GARNL3: variants seen among roughly 807,000 people sequenced by gnomAD.
GARNL3 encodes GTPase-activating Rap/Ran-GAP domain-like protein 3.
A neutral mutation model predicts 125.0 loss-of-function variants in GARNL3; 63 were observed. That is an observed-to-expected ratio of 0.50 (90% CI 0.41 to 0.62). The LOEUF is 0.62. GARNL3 is among the 20% of genes least tolerant of loss of function. GARNL3 has a pLI of 0.00. For missense variants in GARNL3, 994 were observed against 1,244.0 expected, an observed-to-expected ratio of 0.80 and a Z score of 3.02; for synonymous variants, 439 against 457.5, an observed-to-expected ratio of 0.96 and a Z score of 0.52.
intron 22 of GARNL3, among the ~76,000 whole-genome samples, chr9:127,372,228 G>A (rs1186814979): frequency 1.3e-5 from 2 of 152,166 alleles, no homozygotes; most frequent in Non-Finnish European, 2.9e-5. Flanking sequence ...AGAGGAGGAA[G>A]ACACTATCCT....
At position 127,384,265 on chromosome 9, in the gene GARNL3, G is replaced by A. The variant is rs1832424810; in HGVS notation, c.2269+720G>A. Among the ~76,000 whole-genome samples the A allele has an allele frequency of 6.6e-6, 1 of 152,148 alleles. No individual in the cohort carries two copies. The highest frequency in any genetic ancestry group is 6.6e-5 in the Admixed American group (1 of 15,266). Reference sequence around the variant, plus strand: ...TTGCTGGAGGGGCTTGAAAGTCATGGCTGGAGGCATAGATGTGGTAGGCAC... The same window carrying A: ...TTGCTGGAGGGGCTTGAAAGTCATGACTGGAGGCATAGATGTGGTAGGCAC... On this transcript the variant is annotated intron_variant, in intron 23 of 27. Coordinates refer to ENST00000373387, the MANE Select transcript of GARNL3 (RefSeq NM_032293.5). This position sits in a 1 kb window ranked among gnomAD's most constrained non-coding sequence, Gnocchi z 4.0.
intron 5 of GARNL3, 113 bp downstream of exon 5, chr9:127,318,240 G>A (rs1588844061): frequency 1.3e-6 from 1 of 770,874 alleles, no homozygotes; most frequent in Non-Finnish European, 2.3e-6. Flanking sequence ...TTGACTGTGT[G>A]TAAGATGTTT....
chr9:127,310,739 A>G (rs1588827778), intron 2 of GARNL3, among the ~76,000 whole-genome samples: 1 of 149,186 alleles, frequency 6.7e-6, no homozygotes, highest in Non-Finnish European at 1.5e-5. Context: ...GCACCACTGC[A>G]CTCCAGCCTG....
chr9:127,348,737 T>C (rs1021964086), intron 16 of GARNL3, among the ~76,000 whole-genome samples, 187 bp from the exon 17 acceptor site: 22 of 152,294 alleles, frequency 1.4e-4, no homozygotes, highest in African/African-American at 5.1e-4. Flanking sequence ...ATTGCATACG[T>C]ATTTGAAAGG....
intron 7 of GARNL3, among the ~76,000 whole-genome samples, chr9:127,331,315 C>A (rs1829222004): frequency 6.6e-6 from 1 of 151,856 alleles, no homozygotes. Context: ...ATGGTGAAAC[C>A]CCATCTCTAC....
chr9:127,360,859 GA>G (rs1175418560), intron 21 of GARNL3, among the ~76,000 whole-genome samples: 1 of 152,220 alleles, frequency 6.6e-6, no homozygotes, highest in Non-Finnish European at 1.5e-5. Context: ...CTCAAGAGAG[GA>G]AATGTTTAAG....
Position 127,313,547 on chromosome 9 carries a change from T to G in GARNL3, c.426T>G (p.Leu142=). 6.2e-7 allele frequency: 1 copy of G among 1,612,500 alleles called. No homozygotes were observed. The highest frequency in any genetic ancestry group is 8.5e-7 in the Non-Finnish European group (1 of 1,178,482). The change falls in exon 4 of 28, where the codon CTT becomes CTG. Residue 142 remains leucine, a synonymous_variant. Transcript: ENST00000373387. ...NQRVPQYRAI[L]WRKTGTQKIC... is the part of the protein sequence containing the mutation. ...GTGTCCCTCAATACCGTGCAATTCT[T>G]TGGAGAAAAACAGTAAGTATATGGC...
chr9:127,342,113 C>A, intron 13 of GARNL3, 106 bp from the exon 14 acceptor site: 1 of 778,302 alleles, frequency 1.3e-6, no homozygotes, highest in Non-Finnish European at 2.2e-6. Context: ...CAAAAAAATT[C>A]CTAGATTCAC....
At chr9:127,370,357 TG>T (rs1428681737) in intron 22 of GARNL3, among the ~76,000 whole-genome samples, 7 of 152,160 alleles carry the variant, frequency 4.6e-5, no homozygotes, top group African/African-American at 1.7e-4. Context: ...ACTGTTAAAC[TG>T]TACAGGATTC....
chr9:127,253,338 A>G (rs2063438977), intron 2 of GARNL3, among the ~76,000 whole-genome samples: 1 of 152,210 alleles, frequency 6.6e-6, no homozygotes, highest in African/African-American at 2.4e-5. Flanking sequence ...GGGCTTTCCT[A>G]TACAAGTGAT....
chr9:127,259,629 T>C (rs2063549513), upstream of GARNL3, among the ~76,000 whole-genome samples: 2 of 152,316 alleles, frequency 1.3e-5, no homozygotes, highest in Admixed American at 6.5e-5. Flanking sequence ...TCTCCCTTAC[T>C]GCTACCTGGG....
chr9:127,287,677 C>A (rs1451583979), intron 1 of GARNL3, among the ~76,000 whole-genome samples: 1 of 152,218 alleles, frequency 6.6e-6, no homozygotes, highest in Non-Finnish European at 1.5e-5. Flanking sequence ...ATCTCCTGCC[C>A]ACCTACTGCC....
rs1263675241 is a variant in GARNL3 at position 127,280,212 on chromosome 9, G to A, written c.145-10956G>A. Among the ~76,000 whole-genome samples, 2 of 152,146 alleles carry A rather than the reference G, an allele frequency of 1.3e-5. No individual in the cohort carries two copies. On this transcript the variant is annotated intron_variant, in intron 1 of 27. Coordinates refer to ENST00000373387, the MANE Select transcript of GARNL3 (RefSeq NM_032293.5). This position sits in a 1 kb window ranked among gnomAD's most constrained non-coding sequence, Gnocchi z 4.5. ...CTCCCCCAGCCCCTTGGCATGTTGG[G>A]GAAACTAAACTCCCTGGGATGCTCT...
At chr9:127,233,083 G>T (rs1238180056) in intron 1 of GARNL3, among the ~76,000 whole-genome samples, 1 of 151,804 alleles carries the variant, frequency 6.6e-6, no homozygotes, top group Non-Finnish European at 1.5e-5. Flanking sequence ...AATTAGTTGG[G>T]CATGGTATTG....
intron 1 of GARNL3, among the ~76,000 whole-genome samples, chr9:127,275,418 A>G (rs868670959): frequency 5.9e-5 from 9 of 152,330 alleles, no homozygotes; most frequent in Middle Eastern, 6.8e-3. Flanking sequence ...ACTTAGAACA[A>G]GTTTCCCTGG....
At position 127,306,197 on chromosome 9, in the gene GARNL3, TAGGATTACGAAGGAAA is replaced by T. The variant is rs2064948300; in HGVS notation, c.220-5437_220-5422del. On this transcript the variant is annotated intron_variant, in intron 2 of 27. Coordinates refer to ENST00000373387, the MANE Select transcript of GARNL3 (RefSeq NM_032293.5). ...TTTTTAAATACATGAAATTAAATAC[TAGGATTACGAAGGAAA>T]ACAGTTGTATTGAAATAATTATCAA... Among the ~76,000 whole-genome samples, 10 of 113,524 alleles carry T rather than the reference TAGGATTACGAAGGAAA, an allele frequency of 8.8e-5. No individual in the cohort carries two copies. In the South Asian group the frequency reaches 3.0e-3, roughly 34 times the overall value. The allele number at this position is 113,524 out of a possible 152,430, so 74.5% of individuals were successfully genotyped here.
chr9:127,373,228 T>C (rs538173657), intron 22 of GARNL3, among the ~76,000 whole-genome samples: 25 of 152,340 alleles, frequency 1.6e-4, no homozygotes, highest in Admixed American at 1.6e-3. Flanking sequence ...GGGACCTTCC[T>C]AGAGAACTGA....
chr9:127,231,040 ATATATATATAT>A (rs1408140563), intron 1 of GARNL3, among the ~76,000 whole-genome samples: 3 of 46,362 alleles, frequency 6.5e-5, no homozygotes, highest in Non-Finnish European at 1.1e-4. Context: ...ATATACATAT[ATATATATATAT>A]TTTTTTTTTT....
At chr9:127,279,688 T>C (rs1400565643) in intron 1 of GARNL3, among the ~76,000 whole-genome samples, 6 of 152,358 alleles carry the variant, frequency 3.9e-5, no homozygotes, top group Admixed American at 6.5e-5. Context: ...GTAAAGATGG[T>C]TAAAGGTATG....
Sources: gnomAD v4.1 joint callset for allele counts (sites outside exome capture counted in the v4.1 genomes callset) on GRCh38, gnomAD v4.1.1 for gene constraint, Gnocchi (gnomAD v3.1) non-coding constraint, MANE v1.5 for transcripts, NCBI Gene and HGNC (gene_info 2026-07-23, HGNC 2026-07-21) for gene names.